The following SPAG9 variants were observed in gnomAD, a reference collection of about 807,000 sequenced individuals.
The protein encoded by SPAG9 is sperm associated antigen 9.
A neutral mutation model predicts 166.5 loss-of-function variants in SPAG9; 35 were observed. The observed-to-expected ratio is 0.21, with a 90% confidence interval of 0.16 to 0.28. The LOEUF (loss-of-function observed/expected upper bound fraction) is 0.28. SPAG9 is among the 10% of genes least tolerant of loss of function. SPAG9 has a pLI of 1.00. For synonymous variants in SPAG9, 534 were observed against 565.5 expected, an observed-to-expected ratio of 0.94 and a Z score of 0.79; for missense variants, 1,235 against 1,603.3, an observed-to-expected ratio of 0.77 and a Z score of 3.92.
chr17:51,077,644 A>G (rs2048054993), intron 2 of SPAG9, among the ~76,000 whole-genome samples: 2 of 151,834 alleles, frequency 1.3e-5, no homozygotes, highest in African/African-American at 4.8e-5. Flanking sequence ...CAGTCCTCCG[A>G]GATTTCAAAT....
rs116337818 is a variant in SPAG9 at position 51,056,602 on chromosome 17, T to C, written c.425-120A>G. ...AGCAACTTTCAGACTCAGTGTTCCA[T>C]ATGCAAGTCTTCACAAAGCAGTGAC... On this transcript the variant is annotated intron_variant, in intron 2 of 29. Transcript: ENST00000262013. 1,069 of 642,188 alleles carry C rather than the reference T, an allele frequency of 1.7e-3. 4 individuals are homozygous for C. In the African/African-American group the frequency reaches 0.017, roughly 10 times the overall value. The allele number at this position is 642,188 out of a possible 1,614,324, so 39.8% of individuals were successfully genotyped here.
At chr17:50,998,362 C>G in intron 15 of SPAG9, 82 bp downstream of exon 15, 1 of 1,279,444 alleles carries the variant, frequency 7.8e-7, no homozygotes, top group Non-Finnish European at 1.1e-6. Context: ...TTACCTGAAT[C>G]CTTAGAGCTG....
At chr17:51,070,417 A>G (rs2047792071) in intron 2 of SPAG9, among the ~76,000 whole-genome samples, 1 of 152,224 alleles carries the variant, frequency 6.6e-6, no homozygotes, top group Non-Finnish European at 1.5e-5. Flanking sequence ...CCAAACTATT[A>G]TATGCCAAAA....
chr17:50,990,189 G>A (rs997912633), intron 20 of SPAG9: 20 of 515,330 alleles, frequency 3.9e-5, no homozygotes, highest in Middle Eastern at 5.3e-4. Flanking sequence ...CACCACGCCC[G>A]GTTAATTTTT....
At chr17:51,018,755 T>A (rs2045809530) in intron 8 of SPAG9, among the ~76,000 whole-genome samples, 1 of 151,952 alleles carries the variant, frequency 6.6e-6, no homozygotes, top group Non-Finnish European at 1.5e-5. Context: ...CAGGCTGGAG[T>A]ACCCGGCTGC....
chr17:51,012,452 C>G (rs1295619048), intron 9 of SPAG9, among the ~76,000 whole-genome samples: 9 of 151,732 alleles, frequency 5.9e-5, no homozygotes, highest in Non-Finnish European at 1.3e-4. Context: ...CGCCTTTAGT[C>G]CCAGCTACTC....
At chr17:51,037,000 C>G (rs1378528809) in intron 5 of SPAG9, among the ~76,000 whole-genome samples, 1 of 152,110 alleles carries the variant, frequency 6.6e-6, no homozygotes, top group Non-Finnish European at 1.5e-5. Flanking sequence ...CTTTTGTTTT[C>G]CAATTCCTTC....
At position 51,087,999 on chromosome 17, in the gene SPAG9, C is replaced by A. The variant is rs141988974; in HGVS notation, c.304-8295G>T. 3.8e-3 allele frequency among the ~76,000 whole-genome samples: 573 copies of A among 152,336 alleles called. 9 individuals carry two copies. The East Asian group carries it at 0.038, about 10-fold the overall frequency. On this transcript the variant is annotated intron_variant, in intron 1 of 29. Transcript: ENST00000262013. ...AGCTCAAGCGATCCTCCTGCCTCAG[C>A]CTCCCAAAGTGCTGGGATTATAGGC...
At chr17:51,006,689 CT>C (rs1474078114) in intron 10 of SPAG9, among the ~76,000 whole-genome samples, 1 of 152,206 alleles carries the variant, frequency 6.6e-6, no homozygotes, top group African/African-American at 2.4e-5. Flanking sequence ...CTTATTATAA[CT>C]GCATTCTGTC....
chr17:50,963,981 G>A lies in SPAG9; in HGVS notation c.*2291C>T, dbSNP rs1483274193. ...CCAAAACAGTTTTAATACATGAGTG[G>A]CTACAATTTTATTGTGTACACAATG... On this transcript the variant is annotated 3_prime_UTR_variant, in exon 30 of 30. Coordinates refer to ENST00000262013, the MANE Select transcript of SPAG9 (RefSeq NM_001130528.3). 2 of 152,132 alleles carry A rather than the reference G, an allele frequency of 1.3e-5. No homozygotes were observed. The highest frequency in any genetic ancestry group is 2.4e-5 in the African/African-American group (1 of 41,430). The allele number at this position is 152,132 out of a possible 1,614,324, so 9.4% of individuals were successfully genotyped here.
chr17:51,013,092 A>T (rs1286719718), intron 9 of SPAG9, among the ~76,000 whole-genome samples: 1 of 152,220 alleles, frequency 6.6e-6, no homozygotes, highest in African/African-American at 2.4e-5. Context: ...TGTCAAGGAC[A>T]TAACTGGCAA....
chr17:51,080,028 T>C (rs925172690), intron 1 of SPAG9, among the ~76,000 whole-genome samples: 3 of 152,208 alleles, frequency 2.0e-5, no homozygotes, highest in Non-Finnish European at 2.9e-5. Flanking sequence ...ATCTATAACA[T>C]GTACAATAGA....
intron 2 of SPAG9, among the ~76,000 whole-genome samples, chr17:51,067,752 G>A (rs1019260455): frequency 2.6e-5 from 4 of 151,428 alleles, no homozygotes; most frequent in African/African-American, 9.7e-5. Flanking sequence ...GAAAAAAAAG[G>A]TGAGGGGGCA....
rs180991530 is a variant in SPAG9 at position 51,041,428 on chromosome 17, G to A, written c.741+73C>T. 55 of 1,404,558 alleles carry A rather than the reference G, an allele frequency of 3.9e-5. No homozygotes were observed. In the Admixed American group the frequency reaches 3.9e-4, roughly 10 times the overall value. 87.0% of individuals were successfully genotyped at this position (1,404,558 alleles called of 1,614,324 possible). ...AATTACATTTTACTATACTGTGGTC[G>A]TCTAGCACTTCAATTAGGATAAGAA... On this transcript the variant is annotated intron_variant, in intron 5 of 29. Transcript: ENST00000262013.
chr17:51,073,346 C>T (rs1336242080), intron 2 of SPAG9, among the ~76,000 whole-genome samples: 1 of 151,442 alleles, frequency 6.6e-6, no homozygotes, highest in African/African-American at 2.4e-5. Context: ...AACAATTAGC[C>T]ACGTGTGGTG....
intron 25 of SPAG9, among the ~76,000 whole-genome samples, chr17:50,981,832 C>T (rs1974673922): frequency 1.3e-5 from 2 of 151,678 alleles, no homozygotes; most frequent in South Asian, 4.2e-4. Flanking sequence ...GAGTTCGAGA[C>T]CAGCCTGGCC....
At chr17:51,074,922 C>A (rs780022809) in intron 2 of SPAG9, among the ~76,000 whole-genome samples, 5 of 152,022 alleles carry the variant, frequency 3.3e-5, no homozygotes, top group African/African-American at 7.2e-5. Context: ...CTAGGCCAGG[C>A]ACAGTGGTTC....
At chr17:51,048,991 A>G (rs576852496) in intron 3 of SPAG9, among the ~76,000 whole-genome samples, 2 of 152,360 alleles carry the variant, frequency 1.3e-5, no homozygotes. Flanking sequence ...TGTGTCAGGA[A>G]GAATTTTCAG....
chr17:50,974,437 TAGA>T (rs1974072639), intron 28 of SPAG9, among the ~76,000 whole-genome samples: 1 of 152,230 alleles, frequency 6.6e-6, no homozygotes, highest in Admixed American at 6.5e-5. Context: ...GCCTTGATGA[TAGA>T]AGCTTCTTTC....
Sources: gnomAD v4.1 joint callset for allele counts (sites outside exome capture counted in the v4.1 genomes callset) on GRCh38, gnomAD v4.1.1 for gene constraint, MANE v1.5 for transcripts, NCBI Gene and HGNC (gene_info 2026-07-23, HGNC 2026-07-21) for gene names.